The following PITPNC1 variants were observed in gnomAD, a reference collection of about 807,000 sequenced individuals.
PITPNC1 encodes phosphatidylinositol transfer protein cytoplasmic 1.
PITPNC1 carries 18 observed loss-of-function variants against 44.7 expected under a neutral mutation model. The ratio of observed to expected loss-of-function variants is 0.40; its 90% CI spans 0.28 to 0.60. The LOEUF is 0.60. Ranked by LOEUF, PITPNC1 falls within the 20% of genes least tolerant of loss-of-function variation. The pLI, the probability that PITPNC1 is intolerant of heterozygous loss-of-function variation, is 0.39. For missense variants in PITPNC1, 290 were observed against 418.4 expected (o/e 0.69, Z 2.68); for synonymous variants, 141 against 149.6 (o/e 0.94, Z 0.42).
intron 1 of PITPNC1, among the ~76,000 whole-genome samples, chr17:67,439,160 G>A (rs945573957): frequency 6.6e-6 from 1 of 152,080 alleles, no homozygotes; most frequent in African/African-American, 2.4e-5. Flanking sequence ...AATTGATTAG[G>A]CATATATTAC....
rs1193817431 is a variant in PITPNC1 at position 67,605,579 on chromosome 17, CA to C, written c.367-26562del. Among the ~76,000 whole-genome samples, 18 of 152,272 alleles carry C rather than the reference CA, an allele frequency of 1.2e-4. No homozygotes were observed. The South Asian group carries it at 3.5e-3, about 30-fold the overall frequency. On this transcript the variant is annotated intron_variant, in intron 5 of 8. Transcript: ENST00000581322. ...GCATTAGTGGCTCGTGTTTTTCTGTCAACCTTCTAAATTATGTTAGTTGTAA... is the reference window on the plus strand; with the variant it reads ...GCATTAGTGGCTCGTGTTTTTCTGTCACCTTCTAAATTATGTTAGTTGTAA...
At chr17:67,569,024 C>T (rs1303239540) in intron 4 of PITPNC1, among the ~76,000 whole-genome samples, 1 of 151,920 alleles carries the variant, frequency 6.6e-6, no homozygotes, top group Non-Finnish European at 1.5e-5. Context: ...AGTGCAGTGC[C>T]CTAGAGAGCC....
intron 2 of PITPNC1, among the ~76,000 whole-genome samples, chr17:67,551,173 TGTTCTCTAA>T (rs1334699675): frequency 1.2e-5 from 1 of 86,642 alleles, no homozygotes; most frequent in African/African-American, 3.0e-5. Context: ...GGGGCTGCAC[TGTTCTCTAA>T]GTTTTGCCTC....
chr17:67,378,556 G>A (rs1452995454), intron 1 of PITPNC1, among the ~76,000 whole-genome samples: 1 of 152,162 alleles, frequency 6.6e-6, no homozygotes, highest in African/African-American at 2.4e-5. Flanking sequence ...GCTGGGGTTT[G>A]GGGGGCATCC....
intron 5 of PITPNC1, among the ~76,000 whole-genome samples, chr17:67,607,643 C>T (rs919960040): frequency 2.6e-5 from 4 of 152,096 alleles, no homozygotes; most frequent in Non-Finnish European, 5.9e-5. Context: ...TCTTCCTCTC[C>T]ATACATATTT....
intron 1 of PITPNC1, among the ~76,000 whole-genome samples, chr17:67,479,440 TAG>T (rs3052406): frequency 0.023 from 3,571 of 152,308 alleles, 116 homozygotes; most frequent in East Asian, 0.11. Context: ...AATCATTAGC[TAG>T]ATTGAGCTAT....
At chr17:67,599,034 A>ATATATATATATATTTT (rs1461493250) in intron 5 of PITPNC1, among the ~76,000 whole-genome samples, 1 of 35,676 alleles carries the variant, frequency 2.8e-5, no homozygotes, top group African/African-American at 1.1e-4. Context: ...ATATATATAT[A>ATATATATATATATTTT]TTTTTTTTTT....
intron 6 of PITPNC1, among the ~76,000 whole-genome samples, chr17:67,664,691 G>A (rs2042396948): frequency 6.6e-6 from 1 of 152,102 alleles, no homozygotes; most frequent in Non-Finnish European, 1.5e-5. Flanking sequence ...ATCACTTGAG[G>A]TCAGGAGTTC....
intron 1 of PITPNC1, among the ~76,000 whole-genome samples, chr17:67,501,121 T>A (rs1314239519): frequency 6.6e-6 from 1 of 152,220 alleles, no homozygotes; most frequent in Non-Finnish European, 1.5e-5. Context: ...CCACTGCAGG[T>A]CTAGGTGCTA....
intron 2 of PITPNC1, among the ~76,000 whole-genome samples, chr17:67,549,502 A>G (rs1002087035): frequency 2.0e-5 from 3 of 152,220 alleles, no homozygotes; most frequent in African/African-American, 7.2e-5. Context: ...GGTGGCTGAA[A>G]CAGCTAAAAT....
intron 1 of PITPNC1, among the ~76,000 whole-genome samples, chr17:67,412,888 A>G (rs544405570): frequency 6.6e-6 from 1 of 152,086 alleles, no homozygotes; most frequent in South Asian, 2.1e-4. Context: ...TTTATACTTA[A>G]CTTCCTTTTT....
rs993237107 is a variant in PITPNC1 at position 67,508,899 on chromosome 17, A to C, written c.49-23903A>C. On this transcript the variant is annotated intron_variant, in intron 1 of 8. Transcript: ENST00000581322. The surrounding 1 kb of genome is among the most constrained non-coding windows in gnomAD (Gnocchi z 4.2). ...CAAACTGAATACTTAAAAATGGTTA[A>C]AATGGTAAATTTCATGTTATGTATG... Among the ~76,000 whole-genome samples the C allele has an allele frequency of 1.3e-5, 2 of 152,206 alleles. No individual in the cohort carries two copies. The highest frequency in any genetic ancestry group is 2.9e-5 in the Non-Finnish European group (2 of 68,036).
chr17:67,475,750 G>A (rs1410901217), intron 1 of PITPNC1, among the ~76,000 whole-genome samples: 1 of 152,210 alleles, frequency 6.6e-6, no homozygotes, highest in Non-Finnish European at 1.5e-5. Flanking sequence ...TGCTTTGTAG[G>A]TTGTGCATCA....
Position 67,532,450 on chromosome 17 carries a change from C to G in PITPNC1, c.49-352C>G, listed in dbSNP as rs138775623. Among the ~76,000 whole-genome samples, 594 of 152,232 alleles carry G rather than the reference C, an allele frequency of 3.9e-3. 7 individuals are homozygous for G. Among genetic ancestry groups the G allele is most frequent in the African/African-American group, 0.012 (515 of 41,532 alleles). On this transcript the variant is annotated intron_variant, in intron 1 of 8. Coordinates refer to ENST00000581322, the MANE Select transcript of PITPNC1 (RefSeq NM_012417.4). ...TCACACACCCTCGGCTGTCTTGGGC[C>G]AAACCAAGCAGGACTTTAGCTCCAT...
intron 1 of PITPNC1, among the ~76,000 whole-genome samples, chr17:67,512,499 T>TAAA (rs2040199341): frequency 2.1e-5 from 1 of 48,102 alleles, no homozygotes; most frequent in African/African-American, 9.6e-5. Context: ...AGACTGTGTC[T>TAAA]CAAAAAAAAA....
chr17:67,562,679 G>A (rs2040921816), intron 4 of PITPNC1, among the ~76,000 whole-genome samples: 1 of 152,064 alleles, frequency 6.6e-6, no homozygotes, highest in African/African-American at 2.4e-5. Flanking sequence ...CAAGGCAGAA[G>A]GGCGAAGGGA....
chr17:67,440,305 C>T (rs2038994967), intron 1 of PITPNC1, among the ~76,000 whole-genome samples: 1 of 152,128 alleles, frequency 6.6e-6, no homozygotes, highest in African/African-American at 2.4e-5. Context: ...CCTTCTAATC[C>T]TGGCCTTGAC....
intron 8 of PITPNC1, among the ~76,000 whole-genome samples, chr17:67,682,918 T>C (rs142444134): frequency 6.6e-6 from 1 of 152,166 alleles, no homozygotes; most frequent in African/African-American, 2.4e-5. Flanking sequence ...TCCCAGCACT[T>C]TGGGAGGCCG....
intron 1 of PITPNC1, among the ~76,000 whole-genome samples, chr17:67,530,298 C>T (rs899732629): frequency 5.3e-5 from 8 of 151,706 alleles, no homozygotes; most frequent in Non-Finnish European, 8.8e-5. Flanking sequence ...TCACCGTGAT[C>T]GCCAGGATGG....
Sources: allele counts gnomAD v4.1 joint callset (sites outside exome capture counted in the v4.1 genomes callset), GRCh38; gene constraint gnomAD v4.1.1; non-coding constraint Gnocchi (gnomAD v3.1); transcripts MANE v1.5; gene names NCBI Gene and HGNC (gene_info 2026-07-23, HGNC 2026-07-21).